Variants in ABLIM2 observed in about 807,000 individuals in gnomAD.
The protein encoded by ABLIM2 is actin binding LIM protein family member 2, also known as actin-binding LIM protein 2.
ABLIM2 carries 53 observed loss-of-function variants against 97.7 expected under a neutral mutation model. The observed-to-expected ratio is 0.54, with a 90% confidence interval of 0.44 to 0.68. ABLIM2 has a LOEUF of 0.68. ABLIM2 is among the 30% of genes least tolerant of loss of function. The pLI is 0.00. For missense variants in ABLIM2, 835 were observed against 867.2 expected, an observed-to-expected ratio of 0.96 and a Z score of 0.47; for synonymous variants, 361 against 345.8, an observed-to-expected ratio of 1.04 and a Z score of -0.49.
rs1458499569 is a variant in ABLIM2, at chr4:8,044,649, C to G, written c.900+515G>C. On this transcript the variant is annotated intron_variant, in intron 9 of 20. Transcript: ENST00000447017. This position sits in a 1 kb window ranked among gnomAD's most constrained non-coding sequence, Gnocchi z 4.4. ...AGCGTGTGAGGCGCACAGACACACA[C>G]ACACACACACACACACAGAGTCTCT... 8.9e-6 allele frequency among the ~76,000 whole-genome samples: 1 copy of G among 112,582 alleles called. No individual in the cohort carries two copies. Among genetic ancestry groups the G allele is most frequent in the African/African-American group, 2.9e-5 (1 of 34,450 alleles). 73.9% of individuals were successfully genotyped at this position (112,582 alleles called of 152,430 possible).
At chr4:8,152,805 A>G (rs528168246) in intron 1 of ABLIM2, among the ~76,000 whole-genome samples, 2 of 152,276 alleles carry the variant, frequency 1.3e-5, no homozygotes, top group East Asian at 3.9e-4. Context: ...CCAGGCAGAG[A>G]CTGGTCAGCT....
In ABLIM2 at chr4:8,112,267, C is replaced by T. The variant is rs1419625393; in HGVS notation, c.11-5630G>A. 1.3e-5 allele frequency among the ~76,000 whole-genome samples: 2 copies of T among 152,252 alleles called. No individual in the cohort carries two copies. The highest frequency in any genetic ancestry group is 3.9e-4 in the East Asian group (2 of 5,192). On this transcript the variant is annotated intron_variant, in intron 1 of 20. Transcript: ENST00000447017. The surrounding 1 kb of genome is among the most constrained non-coding windows in gnomAD (Gnocchi z 4.2). ...GCTGAACTCCTGGTCTGCCACCAGC[C>T]AGCCAGAATGGGAGCCAGCAGGGTC... is the stretch of plus-strand genomic sequence containing the variant.
rs1012135130 is a variant in ABLIM2, at chr4:7,992,085, G to T, written c.1680+781C>A. On this transcript the variant is annotated intron_variant, in intron 17 of 20. Coordinates refer to ENST00000447017, the MANE Select transcript of ABLIM2 (RefSeq NM_001130083.2). The surrounding 1 kb of genome is among the most constrained non-coding windows in gnomAD (Gnocchi z 5.7). ...GGAGACCCCTGGGCTGTGTGTGTGT[G>T]TCTGTGTGTTGGGGGGTCTGGGACC... is the stretch of plus-strand genomic sequence containing the variant. Among the ~76,000 whole-genome samples, 1 of 152,164 alleles carries T rather than the reference G, an allele frequency of 6.6e-6. No homozygotes were observed. The highest frequency in any genetic ancestry group is 2.4e-5 in the African/African-American group (1 of 41,432).
At chr4:8,020,430 C>T (rs961011211) in intron 12 of ABLIM2, 127 bp from the exon 13 acceptor site, 2 of 854,196 alleles carry the variant, frequency 2.3e-6, no homozygotes, top group African/African-American at 3.3e-5. Context: ...AGCCCAGATC[C>T]CCTGCCCAGG....
chr4:8,098,731 T>A (rs1158302633), intron 2 of ABLIM2, among the ~76,000 whole-genome samples: 1 of 152,182 alleles, frequency 6.6e-6, no homozygotes, highest in Non-Finnish European at 1.5e-5. Context: ...CTCCTTGTCC[T>A]CATCTAGCAC....
rs1407994013 is a variant in ABLIM2 at position 8,127,274 on chromosome 4, C to A, written c.11-20637G>T. ...TGAGGTTGGATCAGACTCTTCCCGT[C>A]CCCAGCCTTAGCTGACCTGTACAAT... On this transcript the variant is annotated intron_variant, in intron 1 of 20. Coordinates refer to ENST00000447017, the MANE Select transcript of ABLIM2 (RefSeq NM_001130083.2). The surrounding 1 kb of genome is among the most constrained non-coding windows in gnomAD (Gnocchi z 7.3). Among the ~76,000 whole-genome samples the A allele has an allele frequency of 1.3e-5, 2 of 152,186 alleles. No individual in the cohort carries two copies. Among genetic ancestry groups the A allele is most frequent in the Non-Finnish European group, 2.9e-5 (2 of 68,032 alleles).
intron 16 of ABLIM2, among the ~76,000 whole-genome samples, chr4:7,997,953 C>T (rs1578234532): frequency 1.3e-5 from 2 of 151,966 alleles, no homozygotes; most frequent in South Asian, 2.1e-4. Flanking sequence ...ACCATCTCGG[C>T]TCACCACAAC....
chr4:8,059,763 G>A (rs1806390), intron 7 of ABLIM2, among the ~76,000 whole-genome samples: 14,229 of 151,890 alleles, frequency 0.094, 1,604 homozygotes, highest in African/African-American at 0.27. Flanking sequence ...AAAATTAGCC[G>A]GGTATGGTGG....
chr4:8,044,894 G>T lies in ABLIM2; in HGVS notation c.900+270C>A, dbSNP rs963783011. Among the ~76,000 whole-genome samples the T allele has an allele frequency of 6.6e-6, 1 of 152,178 alleles. No homozygotes were observed. The highest frequency in any genetic ancestry group is 1.5e-5 in the Non-Finnish European group (1 of 68,040). On this transcript the variant is annotated intron_variant, in intron 9 of 20. Transcript: ENST00000447017. The surrounding 1 kb of genome is among the most constrained non-coding windows in gnomAD (Gnocchi z 4.4). ...CTGCACCACTATAAACAACAGCTGT[G>T]TACACACCACTGTGTGGCTCTTGTC... is the stretch of plus-strand genomic sequence containing the variant.
chr4:8,040,938 G>A (rs1034478008), intron 9 of ABLIM2, among the ~76,000 whole-genome samples: 4 of 152,200 alleles, frequency 2.6e-5, no homozygotes, highest in Non-Finnish European at 5.9e-5. Context: ...TCAGCGACGT[G>A]GGCACACTGA....
At chr4:8,050,206 G>A (rs1795078974) in intron 8 of ABLIM2, among the ~76,000 whole-genome samples, 1 of 152,178 alleles carries the variant, frequency 6.6e-6, no homozygotes, top group East Asian at 1.9e-4. Context: ...AGGGTCACAT[G>A]AGGGCTGTGT....
intron 17 of ABLIM2, among the ~76,000 whole-genome samples, chr4:7,987,541 C>G (rs1745322042): frequency 6.6e-6 from 1 of 152,338 alleles, no homozygotes; most frequent in East Asian, 1.9e-4. Context: ...TCTTTGCCAC[C>G]TGGCATGTCT....
In ABLIM2 at chr4:8,021,525, C is replaced by A. The variant is rs1303768058; in HGVS notation, c.1268-1222G>T. ...CCTGAGAACGTTCCCTCAAGCTGCA[C>A]AGCCTTTCAGAGCAGCAGGACCCTG... is the stretch of plus-strand genomic sequence containing the variant. On this transcript the variant is annotated intron_variant, in intron 12 of 20. Transcript: ENST00000447017. This position sits in a 1 kb window ranked among gnomAD's most constrained non-coding sequence, Gnocchi z 5.5. 6.6e-6 allele frequency among the ~76,000 whole-genome samples: 1 copy of A among 152,240 alleles called. No homozygotes were observed. Among genetic ancestry groups the A allele is most frequent in the African/African-American group, 2.4e-5 (1 of 41,470 alleles).
At position 8,125,772 on chromosome 4, in the gene ABLIM2, C is replaced by T. The variant is rs1847605007; in HGVS notation, c.11-19135G>A. Among the ~76,000 whole-genome samples, 1 of 152,246 alleles carries T rather than the reference C, an allele frequency of 6.6e-6. No homozygotes were observed. The highest frequency in any genetic ancestry group is 6.5e-5 in the Admixed American group (1 of 15,286). ...ATGGAAACTCCATCTGGGACACGGA[C>T]ATCGTCACCTGCTGTCTGCTCTGGG... On this transcript the variant is annotated intron_variant, in intron 1 of 20. Coordinates refer to ENST00000447017, the MANE Select transcript of ABLIM2 (RefSeq NM_001130083.2). This position sits in a 1 kb window ranked among gnomAD's most constrained non-coding sequence, Gnocchi z 6.2.
intron 1 of ABLIM2, among the ~76,000 whole-genome samples, chr4:8,152,578 A>C (rs971888079): frequency 2.6e-5 from 4 of 152,146 alleles, no homozygotes; most frequent in African/African-American, 9.7e-5. Context: ...CCTTGAGTAA[A>C]TTAAGACTGC....
At chr4:8,050,400 C>A (rs920671790) in intron 8 of ABLIM2, among the ~76,000 whole-genome samples, 5 of 152,214 alleles carry the variant, frequency 3.3e-5, no homozygotes, top group African/African-American at 1.2e-4. Context: ...CCTACTGCAA[C>A]CTTTCCTGGG....
chr4:7,995,212 T>G (rs1352753421), intron 16 of ABLIM2, among the ~76,000 whole-genome samples: 1 of 152,212 alleles, frequency 6.6e-6, no homozygotes, highest in African/African-American at 2.4e-5. Context: ...CTAAACTGTC[T>G]GTCTTTCCAC....
intron 20 of ABLIM2, among the ~76,000 whole-genome samples, chr4:7,971,654 C>T (rs546964436): frequency 6.5e-4 from 99 of 152,058 alleles, no homozygotes; most frequent in Non-Finnish European, 8.2e-4. Flanking sequence ...CTCAGGTTTG[C>T]GGTGAAGCCT....
In ABLIM2 at chr4:8,124,565, G is replaced by A. The variant is rs190363805; in HGVS notation, c.11-17928C>T. ...GGCGTCATGTTTTCAGGGAGTGTCC[G>A]TGGTGTGGTGGGCGTCAGTGCCTCT... On this transcript the variant is annotated intron_variant, in intron 1 of 20. Transcript: ENST00000447017. This position sits in a 1 kb window ranked among gnomAD's most constrained non-coding sequence, Gnocchi z 6.1. Among the ~76,000 whole-genome samples the A allele has an allele frequency of 2.3e-4, 35 of 152,290 alleles. No individual in the cohort carries two copies. Among genetic ancestry groups the A allele is most frequent in the Non-Finnish European group, 4.0e-4 (27 of 68,028 alleles).
Sources: gnomAD v4.1 joint callset for allele counts (sites outside exome capture counted in the v4.1 genomes callset) on GRCh38, gnomAD v4.1.1 for gene constraint, Gnocchi (gnomAD v3.1) non-coding constraint, MANE v1.5 for transcripts, NCBI Gene and HGNC (gene_info 2026-07-23, HGNC 2026-07-21) for gene names.